FBXL18: variants seen among roughly 807,000 people sequenced by gnomAD.
FBXL18 encodes the protein F-box and leucine rich repeat protein 18.
Under a neutral mutation model 46.0 loss-of-function variants are expected in FBXL18, and 36 were observed. The observed-to-expected ratio is 0.78, with a 90% CI of 0.60 to 1.03. The LOEUF (loss-of-function observed/expected upper bound fraction) is 1.03, where lower values mean the gene tolerates loss of function less well. FBXL18 is among the 50% of genes least tolerant of loss of function. The probability of loss-of-function intolerance (pLI) is 0.00; values close to 1 mark genes in which losing one functional copy is unlikely to be tolerated. For synonymous variants in FBXL18, 557 were observed against 465.3 expected, an observed-to-expected ratio of 1.20 and a Z score of -2.54; for missense variants, 977 against 1,004.1, an observed-to-expected ratio of 0.97 and a Z score of 0.36.
At chr7:5,486,943 G>C (rs1034418843) in intron 4 of FBXL18, among the ~76,000 whole-genome samples, 4 of 152,268 alleles carry the variant, frequency 2.6e-5, no homozygotes, top group Non-Finnish European at 5.9e-5. Flanking sequence ...CAGGAAAAAA[G>C]ACGAGAAAGA....
chr7:5,465,267 C>T (rs1472335193), intron 4 of FBXL18, among the ~76,000 whole-genome samples: 1 of 152,016 alleles, frequency 6.6e-6, no homozygotes, highest in African/African-American at 2.4e-5. Context: ...GTGGCATGAT[C>T]TCAGCTTACT....
At chr7:5,457,876 C>T (rs372576780) in intron 4 of FBXL18, among the ~76,000 whole-genome samples, 2 of 152,196 alleles carry the variant, frequency 1.3e-5, no homozygotes, top group Non-Finnish European at 2.9e-5. Context: ...CAGCCTGCCT[C>T]GCCGGGGAAA....
chr7:5,507,114 T>C (rs1376558266), intron 1 of FBXL18, among the ~76,000 whole-genome samples: 2 of 152,076 alleles, frequency 1.3e-5, no homozygotes, highest in African/African-American at 4.8e-5. Context: ...CTACATCATC[T>C]TTCTGGGGAC....
chr7:5,482,308 G>A (rs1324215470), intron 4 of FBXL18, among the ~76,000 whole-genome samples: 2 of 152,168 alleles, frequency 1.3e-5, no homozygotes, highest in African/African-American at 4.8e-5. Context: ...CCTGGCCCAC[G>A]GAAGCCCCAC....
intron 4 of FBXL18, among the ~76,000 whole-genome samples, chr7:5,464,673 A>AC (rs1445532083): frequency 8.6e-5 from 12 of 139,428 alleles, no homozygotes; most frequent in Non-Finnish European, 1.5e-4. Flanking sequence ...CAAAAAAAAA[A>AC]AAAAAAAAAA....
chr7:5,500,521 A>G lies in FBXL18; in HGVS notation c.1748T>C (p.Met583Thr). The G allele has an allele frequency of 6.2e-7, 1 of 1,611,590 alleles. No individual in the cohort carries two copies. Among genetic ancestry groups the G allele is most frequent in the Non-Finnish European group, 8.5e-7 (1 of 1,178,618 alleles). The change falls in exon 3 of 5, where the codon ATG becomes ACG. Residue 583 changes from methionine (M) to threonine (T), a missense_variant. Physicochemically the swap from Met to Thr is moderately conservative, Grantham distance 81 (BLOSUM62 -1). Coordinates refer to ENST00000382368, the MANE Select transcript of FBXL18 (RefSeq NM_024963.6). ...CCTCAGCCGCTTGCAGTGCTTCAAC[A>G]TGTCTGAGAGCGCGGGCATGTACAC... Reference protein sequence around the residue: ...KVVYMPALSDMLKHCKRLRDL... With the variant: ...KVVYMPALSDTLKHCKRLRDL...
chr7:5,471,388 T>C (rs1282174660), downstream of FBXL18, among the ~76,000 whole-genome samples: 4 of 152,214 alleles, frequency 2.6e-5, no homozygotes, highest in Non-Finnish European at 5.9e-5. Flanking sequence ...GCCATTCTCC[T>C]GCCTCAGCCT....
Position 5,500,532 on chromosome 7 carries a change from C to T in FBXL18, c.1737G>A (p.Ala579=), listed in dbSNP as rs775941928. 1.9e-6 allele frequency: 3 copies of T among 1,612,684 alleles called. No individual in the cohort carries two copies. Among genetic ancestry groups the T allele is most frequent in the African/African-American group, 2.7e-5 (2 of 74,902 alleles). Residue 579 remains alanine (A), a synonymous_variant, in exon 3 of 5, where the codon GCG becomes GCA. Transcript: ENST00000382368. ...TGCAGTGCTTCAACATGTCTGAGAG[C>T]GCGGGCATGTACACCACCTTCCCCA... ...GMMGKVVYMP[A]LSDMLKHCKR... is the part of the protein sequence containing the mutation.
chr7:5,494,737 ACAG>A (rs1242523525), intron 3 of FBXL18, among the ~76,000 whole-genome samples: 4 of 152,220 alleles, frequency 2.6e-5, no homozygotes, highest in Admixed American at 2.6e-4. Context: ...GAGGCTCCAG[ACAG>A]CAGGAGATGG....
intron 1 of FBXL18, 30 bp downstream of exon 1, chr7:5,513,627 A>T: frequency 6.2e-7 from 1 of 1,612,086 alleles, no homozygotes; most frequent in Non-Finnish European, 8.5e-7. Flanking sequence ...GCCGAGGCAG[A>T]AGCAGAGCGG....
At chr7:5,456,803 A>T (rs531882103) in intron 4 of FBXL18, among the ~76,000 whole-genome samples, 11 of 152,270 alleles carry the variant, frequency 7.2e-5, no homozygotes, top group African/African-American at 2.4e-4. Context: ...TTGTTCTGTC[A>T]TCCAGGTTGG....
chr7:5,487,326 T>A (rs1783801338), intron 4 of FBXL18, among the ~76,000 whole-genome samples: 1 of 152,214 alleles, frequency 6.6e-6, no homozygotes. Context: ...TGGGGTGGTA[T>A]CTGACTGCCA....
rs568864273 is a variant in FBXL18 at position 5,507,031 on chromosome 7, C to G, written c.19-1401G>C. On this transcript the variant is annotated intron_variant, in intron 1 of 4. Transcript: ENST00000382368. The stretch of plus-strand genomic sequence containing the variant: ...GACAAAGGAAGGCAGAAGGCTTTAC[C>G]AAGGGGAGCCTCTCAGAGCAGCTGA... Among the ~76,000 whole-genome samples, 4 of 152,276 alleles carry G rather than the reference C, an allele frequency of 2.6e-5. No individual in the cohort carries two copies. The South Asian group carries it at 8.3e-4, about 32-fold the overall frequency.
In FBXL18 at chr7:5,512,297, TAAAAAAAAAAAA is replaced by T. The variant is rs71004681; in HGVS notation, c.18+1348_18+1359del. ...GCACTGAACCATGTGAAGTGTTATTTAAAAAAAAAAAAAAAAAAAAAAAAAAGCAGAGTCCAG... is the reference window on the plus strand; with the variant it reads ...GCACTGAACCATGTGAAGTGTTATTTAAAAAAAAAAAAAAGCAGAGTCCAG... On this transcript the variant is annotated intron_variant, in intron 1 of 4. Transcript: ENST00000382368. 4.2e-4 allele frequency among the ~76,000 whole-genome samples: 36 copies of T among 85,550 alleles called. No homozygotes were observed. In the East Asian group the frequency reaches 0.011, roughly 25 times the overall value. 56.1% of individuals were successfully genotyped at this position (85,550 alleles called of 152,430 possible). A position where few individuals can be genotyped will look rare whatever the true frequency, so the allele number is the denominator to read the frequency against.
At chr7:5,495,023 C>T (rs1178894255) in intron 3 of FBXL18, among the ~76,000 whole-genome samples, 1 of 152,194 alleles carries the variant, frequency 6.6e-6, no homozygotes, top group Non-Finnish European at 1.5e-5. Flanking sequence ...TAGGCTCCCA[C>T]AGCACGCCGC....
intron 4 of FBXL18, among the ~76,000 whole-genome samples, chr7:5,482,624 T>C (rs1259545632): frequency 6.7e-6 from 1 of 149,144 alleles, no homozygotes; most frequent in East Asian, 2.0e-4. Context: ...CATGACCTCA[T>C]TTTGCCTTCC....
At chr7:5,457,115 C>T (rs1391402110) in intron 4 of FBXL18, among the ~76,000 whole-genome samples, 1 of 152,214 alleles carries the variant, frequency 6.6e-6, no homozygotes, top group Non-Finnish European at 1.5e-5. Context: ...GGTCAGAGGA[C>T]AGCTCAGATG....
downstream of FBXL18, among the ~76,000 whole-genome samples, chr7:5,473,792 C>T (rs942589574): frequency 6.6e-6 from 1 of 150,880 alleles, no homozygotes; most frequent in African/African-American, 2.4e-5. Flanking sequence ...ACATGCACTG[C>T]AGATTTCACT....
chr7:5,489,860 G>A, intron 4 of FBXL18: 4 of 529,756 alleles, frequency 7.6e-6, no homozygotes, highest in Non-Finnish European at 1.3e-5. Context: ...GGAGGCTGAG[G>A]TTGCAACCCA....
Sources: allele counts gnomAD v4.1 joint callset (sites outside exome capture counted in the v4.1 genomes callset), GRCh38; gene constraint gnomAD v4.1.1; transcripts MANE v1.5; gene names NCBI Gene and HGNC (gene_info 2026-07-23, HGNC 2026-07-21).